VWA8: variants seen among roughly 807,000 people sequenced by gnomAD.
VWA8 encodes von Willebrand factor A domain-containing protein 8.
In VWA8, 221 loss-of-function variants were observed where a neutral mutation model predicts 241.5. That is an observed-to-expected ratio of 0.91 (90% CI 0.82 to 1.02). The LOEUF (loss-of-function observed/expected upper bound fraction) is 1.02. Among genes scored for constraint, VWA8 ranks in the 50% least tolerant of loss-of-function variants. The probability of loss-of-function intolerance (pLI) is 0.00; values close to 1 mark genes in which losing one functional copy is unlikely to be tolerated. For synonymous variants in VWA8, 852 were observed against 827.1 expected (o/e 1.03, Z -0.52); for missense variants, 2,322 against 2,328.7 (o/e 1.00, Z 0.06).
rs1593761491 is a variant in VWA8 at position 41,772,473 on chromosome 13, A to C, written c.2349+5512T>G. On this transcript the variant is annotated intron_variant, in intron 20 of 44. Coordinates refer to ENST00000379310, the MANE Select transcript of VWA8 (RefSeq NM_015058.2). Reference sequence around the variant, plus strand: ...AAAACAAAACAAACAAACAAAAAAAAAATCAGCATGAAGCTCCTAATAGTA... The same window carrying C: ...AAAACAAAACAAACAAACAAAAAAACAATCAGCATGAAGCTCCTAATAGTA... Among the ~76,000 whole-genome samples the C allele has an allele frequency of 2.0e-4, 4 of 19,686 alleles. No individual in the cohort carries two copies. The South Asian group carries it at 0.017, about 84-fold the overall frequency. The allele number at this position is 19,686 out of a possible 152,430, so 12.9% of individuals were successfully genotyped here. A position where few individuals can be genotyped will look rare whatever the true frequency, so the allele number is the denominator to read the frequency against.
intron 36 of VWA8, among the ~76,000 whole-genome samples, chr13:41,673,069 T>G (rs1276088122): frequency 6.6e-6 from 1 of 152,206 alleles, no homozygotes; most frequent in African/African-American, 2.4e-5. Context: ...ACACTAGGTC[T>G]AAAATCTTTT....
intron 40 of VWA8, among the ~76,000 whole-genome samples, chr13:41,595,334 TA>T (rs1402843895): frequency 6.6e-6 from 1 of 152,100 alleles, no homozygotes; most frequent in Non-Finnish European, 1.5e-5. Flanking sequence ...GCAGTGAGAG[TA>T]AGGGAGAGGG....
intron 19 of VWA8, among the ~76,000 whole-genome samples, chr13:41,779,931 C>G (rs544610495): frequency 6.6e-6 from 1 of 152,190 alleles, no homozygotes; most frequent in African/African-American, 2.4e-5. Flanking sequence ...ATACAATTCT[C>G]TTCTTAGCCT....
At chr13:41,619,905 C>A (rs2139666569) in intron 37 of VWA8, among the ~76,000 whole-genome samples, 1 of 152,262 alleles carries the variant, frequency 6.6e-6, no homozygotes, top group African/African-American at 2.4e-5. Flanking sequence ...CATCGATGTT[C>A]ATCAGGGATA....
chr13:41,729,479 A>C, intron 23 of VWA8, 63 bp downstream of exon 23: 1 of 1,466,764 alleles, frequency 6.8e-7, no homozygotes, highest in Non-Finnish European at 9.1e-7. Flanking sequence ...TAAGTTTGTG[A>C]TTTGATACAG....
intron 9 of VWA8, among the ~76,000 whole-genome samples, chr13:41,869,057 G>A (rs541397346): frequency 3.3e-5 from 5 of 151,990 alleles, no homozygotes; most frequent in Non-Finnish European, 7.4e-5. Context: ...CTGAATTCCT[G>A]ACCTGGTAGA....
At chr13:41,841,776 C>T (rs1872016605) in intron 12 of VWA8, among the ~76,000 whole-genome samples, 1 of 78,536 alleles carries the variant, frequency 1.3e-5, no homozygotes, top group Admixed American at 2.1e-4. Context: ...CAGAGCGAGA[C>T]TCTGTCTCAA....
At chr13:41,612,221 G>GT (rs368837609) in intron 38 of VWA8, among the ~76,000 whole-genome samples, 62 of 152,226 alleles carry the variant, frequency 4.1e-4, no homozygotes, top group African/African-American at 1.1e-3. Context: ...TATAAATACT[G>GT]TTTTTTTCTG....
At chr13:41,571,981 A>G (rs977016090) in intron 43 of VWA8, among the ~76,000 whole-genome samples, 6 of 150,072 alleles carry the variant, frequency 4.0e-5, no homozygotes, top group South Asian at 2.1e-4. Flanking sequence ...GATGTGAGGA[A>G]TGCCTCTGCC....
chr13:41,617,888 A>AT (rs555607004), intron 37 of VWA8, among the ~76,000 whole-genome samples: 25 of 147,076 alleles, frequency 1.7e-4, no homozygotes, highest in African/African-American at 5.7e-4. Flanking sequence ...CCCGTCTATT[A>AT]TGGGTTGGTT....
intron 42 of VWA8, among the ~76,000 whole-genome samples, chr13:41,576,377 T>C (rs1266800912): frequency 6.6e-6 from 1 of 152,206 alleles, no homozygotes; most frequent in Non-Finnish European, 1.5e-5. Context: ...AAATAAGCTG[T>C]TTGAAGCTGG....
At chr13:41,758,429 T>TATATAC (rs1371695490) in intron 21 of VWA8, among the ~76,000 whole-genome samples, 5 of 101,486 alleles carry the variant, frequency 4.9e-5, no homozygotes, top group African/African-American at 1.7e-4. Flanking sequence ...TATATATATA[T>TATATAC]ACGCTAGTAT....
chr13:41,770,380 G>T (rs930105625), intron 20 of VWA8, among the ~76,000 whole-genome samples: 10 of 151,090 alleles, frequency 6.6e-5, no homozygotes, highest in African/African-American at 2.2e-4. Flanking sequence ...GGCAGAGCTT[G>T]CAGTGAGCCG....
chr13:41,810,389 A>G (rs1870414718), intron 17 of VWA8, among the ~76,000 whole-genome samples: 1 of 152,112 alleles, frequency 6.6e-6, no homozygotes, highest in African/African-American at 2.4e-5. Flanking sequence ...GTTCATCAAC[A>G]GACAAATGGA....
chr13:41,586,424 T>C (rs887363471), intron 42 of VWA8, among the ~76,000 whole-genome samples: 1 of 152,152 alleles, frequency 6.6e-6, no homozygotes, highest in Non-Finnish European at 1.5e-5. Flanking sequence ...CCATGTCTTA[T>C]TTGTATTTGT....
chr13:41,615,218 T>C, intron 37 of VWA8, 134 bp from the exon 38 acceptor site: 7 of 811,510 alleles, frequency 8.6e-6, no homozygotes, highest in Non-Finnish European at 1.3e-5. Context: ...TGATAAATGC[T>C]GTGAGTATTT....
At chr13:41,721,708 G>GGCT in intron 24 of VWA8, 133 bp from the exon 25 acceptor site, 1 of 858,698 alleles carries the variant, frequency 1.2e-6, no homozygotes, top group Non-Finnish European at 1.7e-6. Flanking sequence ...CAATAGGATG[G>GGCT]TACAGAGAAG....
At chr13:41,755,338 C>T (rs556285555) in intron 21 of VWA8, among the ~76,000 whole-genome samples, 3 of 151,858 alleles carry the variant, frequency 2.0e-5, no homozygotes, top group Non-Finnish European at 4.4e-5. Context: ...AAACAGAAAT[C>T]GAGACTTTTC....
intron 5 of VWA8, 65 bp downstream of exon 5, chr13:41,891,355 A>G: frequency 6.3e-7 from 1 of 1,585,828 alleles, no homozygotes; most frequent in South Asian, 1.1e-5. Context: ...CATGTCTTAC[A>G]CAATAAAATG....
Sources: allele counts gnomAD v4.1 joint callset (sites outside exome capture counted in the v4.1 genomes callset), GRCh38; gene constraint gnomAD v4.1.1; transcripts MANE v1.5; gene names NCBI Gene and HGNC (gene_info 2026-07-23, HGNC 2026-07-21).